COL4A4: variants seen among roughly 807,000 people sequenced by gnomAD.
COL4A4 encodes collagen type IV alpha 4 chain, also known as collagen alpha-4(IV) chain.
A neutral mutation model predicts 192.9 loss-of-function variants in COL4A4; 105 were observed. The observed-to-expected ratio is 0.54, with a 90% CI of 0.46 to 0.64. The LOEUF is 0.64. Ranked by LOEUF, COL4A4 falls within the 30% of genes least tolerant of loss-of-function variation. COL4A4 has a pLI of 0.00. For missense variants in COL4A4, 1,967 were observed against 2,169.3 expected (o/e 0.91, Z 1.85); for synonymous variants, 762 against 769.9 (o/e 0.99, Z 0.17).
intron 12 of COL4A4, 58 bp downstream of exon 12, chr2:227,108,523 C>A: frequency 1.3e-6 from 2 of 1,519,336 alleles, no homozygotes; most frequent in Non-Finnish European, 1.8e-6. Flanking sequence ...ACAGCCTCCA[C>A]CCCTGAGCAG....
At chr2:226,993,925 G>A in the COL4A4 span, among the ~76,000 whole-genome samples, 1 of 152,202 alleles carries the variant, frequency 6.6e-6, no homozygotes, top group Admixed American at 6.5e-5. Flanking sequence ...CCACTCTTGG[G>A]CAATGAGCAA....
intron 1 of COL4A4, among the ~76,000 whole-genome samples, chr2:227,159,452 G>A (rs2064635206): frequency 6.6e-6 from 1 of 152,248 alleles, no homozygotes; most frequent in Non-Finnish European, 1.5e-5. Context: ...CATGCTTTAA[G>A]TGGATGCAAT....
intron 1 of COL4A4, among the ~76,000 whole-genome samples, chr2:227,148,181 G>A (rs1185067384): frequency 6.6e-6 from 1 of 152,148 alleles, no homozygotes; most frequent in Non-Finnish European, 1.5e-5. Flanking sequence ...GAAAACACAT[G>A]TTCACACATA....
the COL4A4 span, among the ~76,000 whole-genome samples, chr2:226,976,803 G>T: frequency 6.6e-6 from 1 of 152,112 alleles, no homozygotes; most frequent in African/African-American, 2.4e-5. Context: ...CTTGGCCCTG[G>T]GTCACAAGGG....
chr2:226,984,756 G>A, the COL4A4 span, among the ~76,000 whole-genome samples: 1 of 152,130 alleles, frequency 6.6e-6, no homozygotes, highest in Non-Finnish European at 1.5e-5. Context: ...ATAAGCCCTG[G>A]TCTTGTACAT....
chr2:226,995,471 C>T, the COL4A4 span: 2,466 of 1,613,318 alleles, frequency 1.5e-3, 32 homozygotes, highest in African/African-American at 0.029. Context: ...GGTTTCATCT[C>T]TCACCAGAAG....
intron 30 of COL4A4, among the ~76,000 whole-genome samples, chr2:227,055,501 A>T (rs1286609338): frequency 1.3e-5 from 2 of 151,946 alleles, no homozygotes; most frequent in Non-Finnish European, 2.9e-5. Flanking sequence ...TCTCCTAAAA[A>T]AAATAATAAT....
At chr2:227,161,512 T>A (rs2064830735) in intron 1 of COL4A4, among the ~76,000 whole-genome samples, 1 of 152,214 alleles carries the variant, frequency 6.6e-6, no homozygotes, top group Admixed American at 6.5e-5. Flanking sequence ...ACAATTTTTT[T>A]AACAATCAAG....
In COL4A4 at chr2:227,078,777, T is replaced by C. The variant is rs1273902071; in HGVS notation, c.1804-700A>G. Among the ~76,000 whole-genome samples, 4 of 152,210 alleles carry C rather than the reference T, an allele frequency of 2.6e-5. No homozygotes were observed. The South Asian group carries it at 6.2e-4, about 24-fold the overall frequency. ...CAAGATACATAGCTAGACTCCATCA[T>C]CCTCCACCCCTGTGGGTAAAAGCCT... On this transcript the variant is annotated intron_variant, in intron 24 of 47. Transcript: ENST00000396625.
intron 1 of COL4A4, among the ~76,000 whole-genome samples, chr2:227,158,298 A>G (rs185455743): frequency 5.3e-4 from 80 of 152,250 alleles, no homozygotes; most frequent in Non-Finnish European, 9.7e-4. Flanking sequence ...TGGAAAAAAA[A>G]TTTAATGAAT....
chr2:227,115,552 A>G (rs183401699), intron 7 of COL4A4, among the ~76,000 whole-genome samples: 5,266 of 152,148 alleles, frequency 0.035, 297 homozygotes, highest in African/African-American at 0.12. Context: ...GATTACAGGC[A>G]TGAGCCACTG....
intron 41 of COL4A4, 103 bp from the exon 42 acceptor site, chr2:227,028,112 G>T: frequency 1.2e-6 from 1 of 824,774 alleles, no homozygotes; most frequent in Non-Finnish European, 2.0e-6. Context: ...CCAACAAAAT[G>T]CAGGGCATAG....
chr2:227,043,509 T>C (rs531450258), intron 35 of COL4A4, among the ~76,000 whole-genome samples: 1 of 152,198 alleles, frequency 6.6e-6, no homozygotes. Context: ...GAATGGCCAG[T>C]AGCTTTTTGA....
chr2:226,980,499 C>T, the COL4A4 span, among the ~76,000 whole-genome samples: 1 of 152,196 alleles, frequency 6.6e-6, no homozygotes. Flanking sequence ...TTTCCCATCT[C>T]TGACATGAGC....
downstream of COL4A4, chr2:226,999,260 T>C (rs1401931547): frequency 1.3e-5 from 2 of 152,168 alleles, no homozygotes; most frequent in African/African-American, 4.8e-5. Flanking sequence ...CACTAGTGCC[T>C]GGTGCTTATT....
At chr2:227,068,486 G>A (rs1050487841) in intron 25 of COL4A4, among the ~76,000 whole-genome samples, 12 of 152,124 alleles carry the variant, frequency 7.9e-5, no homozygotes, top group African/African-American at 2.2e-4. Context: ...CTGGCAAACC[G>A]AATCCAGCAG....
At chr2:227,145,411 C>A (rs1288552488) in intron 2 of COL4A4, among the ~76,000 whole-genome samples, 1 of 152,204 alleles carries the variant, frequency 6.6e-6, no homozygotes, top group Admixed American at 6.5e-5. Context: ...CGTGCCACTG[C>A]GCTCCAGCCT....
At chr2:227,156,746 G>C (rs2064386419) in intron 1 of COL4A4, among the ~76,000 whole-genome samples, 1 of 152,074 alleles carries the variant, frequency 6.6e-6, no homozygotes, top group Non-Finnish European at 1.5e-5. Context: ...TTCAGGATAG[G>C]CAGTGACCCT....
intron 42 of COL4A4, among the ~76,000 whole-genome samples, chr2:227,026,055 C>G (rs1966848237): frequency 6.6e-6 from 1 of 152,094 alleles, no homozygotes; most frequent in Admixed American, 6.5e-5. Flanking sequence ...ACTTGAAACT[C>G]TCTTGAGCAA....
Sources: gnomAD v4.1 joint callset for allele counts (sites outside exome capture counted in the v4.1 genomes callset) on GRCh38, gnomAD v4.1.1 for gene constraint, MANE v1.5 for transcripts, NCBI Gene and HGNC (gene_info 2026-07-23, HGNC 2026-07-21) for gene names.